Variants in DOP1A observed in about 807,000 individuals in gnomAD.
The protein encoded by DOP1A is DOP1 leucine zipper like protein A.
In DOP1A, 90 loss-of-function variants were observed where a neutral mutation model predicts 267.6. The observed-to-expected ratio is 0.34, with a 90% CI of 0.28 to 0.40. The LOEUF is 0.40. Among genes scored for constraint, DOP1A ranks in the 10% least tolerant of loss-of-function variants. The probability of loss-of-function intolerance (pLI) is 1.00; values close to 1 mark genes in which losing one functional copy is unlikely to be tolerated. For synonymous variants in DOP1A, 932 were observed against 999.1 expected (o/e 0.93, Z 1.27); for missense variants, 2,437 against 2,900.4 (o/e 0.84, Z 3.67).
At position 83,138,279 on chromosome 6, in the gene DOP1A, A is replaced by G. The variant is rs374701415; in HGVS notation, c.4237A>G (p.Thr1413Ala). The change falls in exon 21 of 39, where the codon ACT (threonine) becomes GCT (alanine). Residue 1413 changes from threonine (T) to alanine (A), a missense_variant. By Grantham distance (58) the Thr-to-Ala change is moderately conservative. Coordinates refer to ENST00000349129, the MANE Select transcript of DOP1A (RefSeq NM_015018.4). Reference protein sequence around the residue: ...ISTTSVNNAYTPQLSLLQNLL... With the variant: ...ISTTSVNNAYAPQLSLLQNLL... Reference sequence around the variant, plus strand: ...AACTACTAGTGTAAATAATGCATATACTCCTCAGTTGTCTCTCCTTCAGAA... The same window carrying G: ...AACTACTAGTGTAAATAATGCATATGCTCCTCAGTTGTCTCTCCTTCAGAA... The G allele has an allele frequency of 4.3e-6, 7 of 1,612,790 alleles. No individual in the cohort carries two copies. The highest frequency in any genetic ancestry group is 1.1e-5 in the South Asian group (1 of 91,082).
intron 29 of DOP1A, 110 bp from the exon 30 acceptor site, chr6:83,152,178 C>T (rs549302566): frequency 6.6e-6 from 5 of 754,496 alleles, no homozygotes; most frequent in East Asian, 3.0e-5. Flanking sequence ...TATATATATA[C>T]ATATACATAT....
intron 38 of DOP1A, among the ~76,000 whole-genome samples, chr6:83,163,641 C>T (rs983514779): frequency 1.3e-5 from 2 of 152,218 alleles, no homozygotes; most frequent in Non-Finnish European, 2.9e-5. Flanking sequence ...GCTATATAAC[C>T]GAATCTAAAG....
chr6:83,071,998 A>G lies in DOP1A; in HGVS notation c.-147+4219A>G, dbSNP rs1450576437. Among the ~76,000 whole-genome samples the G allele has an allele frequency of 2.0e-5, 3 of 151,992 alleles. No homozygotes were observed. In the East Asian group the frequency reaches 5.8e-4, roughly 29 times the overall value. The stretch of plus-strand genomic sequence containing the variant: ...GGTAATAAAGTTAAAATAATCTCCT[A>G]TCTCCTTTAGTTTTTTCTCTCATCA... On this transcript the variant is annotated intron_variant, in intron 1 of 38. Transcript: ENST00000349129.
In DOP1A at chr6:83,142,133, C is replaced by G. The variant is rs542462488; in HGVS notation, c.5541+87C>G. 3 of 1,484,568 alleles carry G rather than the reference C, an allele frequency of 2.0e-6. No individual in the cohort carries two copies. In the African/African-American group the frequency reaches 4.3e-5, roughly 21 times the overall value. 92.0% of individuals were successfully genotyped at this position (1,484,568 alleles called of 1,614,324 possible). ...ACTTCTCCATATATTGCAGTGGGGC[C>G]GGGGTAGATTCGAGTGTAAAGCAAA... On this transcript the variant is annotated intron_variant, in intron 24 of 38. Transcript: ENST00000349129.
chr6:83,129,838 C>A (rs1480712137), intron 16 of DOP1A, among the ~76,000 whole-genome samples: 1 of 152,110 alleles, frequency 6.6e-6, no homozygotes, highest in African/African-American at 2.4e-5. Flanking sequence ...TATATATACA[C>A]ACAAAGTGCA....
At chr6:83,133,800 C>T (rs1221682725) in intron 18 of DOP1A, among the ~76,000 whole-genome samples, 1 of 151,840 alleles carries the variant, frequency 6.6e-6, no homozygotes, top group East Asian at 1.9e-4. Flanking sequence ...ATATATAGTG[C>T]AATGAAATCA....
chr6:83,170,542 A>T, downstream of DOP1A: 1 of 1,291,354 alleles, frequency 7.7e-7, no homozygotes, highest in Non-Finnish European at 1.1e-6. Flanking sequence ...TAACCTGTTA[A>T]ACATACATTC....
At chr6:83,139,891 T>G (rs1357087010) in intron 21 of DOP1A, 109 bp from the exon 22 acceptor site, 2 of 662,946 alleles carry the variant, frequency 3.0e-6, no homozygotes, top group African/African-American at 1.8e-5. Context: ...TAATCTAGTA[T>G]TTATTGCACA....
At chr6:83,151,079 A>G (rs1781579789) in intron 27 of DOP1A, among the ~76,000 whole-genome samples, 2 of 152,124 alleles carry the variant, frequency 1.3e-5, no homozygotes, top group African/African-American at 4.8e-5. Flanking sequence ...TTTGTTCAAC[A>G]TATGTTTATG....
intron 17 of DOP1A, among the ~76,000 whole-genome samples, chr6:83,131,678 T>C (rs116645185): frequency 0.012 from 1,763 of 151,936 alleles, 42 homozygotes; most frequent in African/African-American, 0.041. Context: ...TTTTTCGAGA[T>C]GGAGTCTCGT....
At chr6:83,124,901 T>C in intron 13 of DOP1A, 82 bp downstream of exon 13, 2 of 1,113,990 alleles carry the variant, frequency 1.8e-6, no homozygotes, top group Non-Finnish European at 2.6e-6. Context: ...AGCCTTCAGA[T>C]ACATTTCATC....
intron 7 of DOP1A, among the ~76,000 whole-genome samples, chr6:83,115,216 A>G (rs1216856061): frequency 1.3e-5 from 2 of 152,196 alleles, no homozygotes; most frequent in African/African-American, 4.8e-5. Context: ...TTAGAAATAG[A>G]TGGTGATATC....
intron 4 of DOP1A, among the ~76,000 whole-genome samples, chr6:83,103,478 C>A (rs747538637): frequency 1.3e-5 from 2 of 152,118 alleles, no homozygotes; most frequent in Non-Finnish European, 2.9e-5. Context: ...CCCAAAAAAA[C>A]CATTAAAAAA....
chr6:83,165,583 T>C (rs1043111465), intron 38 of DOP1A: 1 of 176,360 alleles, frequency 5.7e-6, no homozygotes, highest in Non-Finnish European at 1.2e-5. Context: ...TAAAAATCCA[T>C]GCTTCCAAAT....
At chr6:83,096,192 A>C (rs1011776504) in intron 1 of DOP1A, among the ~76,000 whole-genome samples, 2 of 151,522 alleles carry the variant, frequency 1.3e-5, no homozygotes, top group Admixed American at 6.6e-5. Flanking sequence ...GACTCAAGCT[A>C]TCCTCTCACT....
Position 83,130,296 on chromosome 6 carries a change from C to A in DOP1A, c.2515C>A (p.Gln839Lys). ...AAACATCAACAGTGTAGAGCCTGCACAACCCTTAAGTCCAAACCAGGGAAG... is the reference window on the plus strand; with the variant it reads ...AAACATCAACAGTGTAGAGCCTGCAAAACCCTTAAGTCCAAACCAGGGAAG... ...GENINSVEPA[Q>K]PLSPNQGRVA... The change falls in exon 17 of 39, where the codon CAA becomes AAA. Residue 839 changes from glutamine to lysine, a missense_variant. By Grantham distance (53) the Gln-to-Lys change is moderately conservative (BLOSUM62 1). Coordinates refer to ENST00000349129, the MANE Select transcript of DOP1A (RefSeq NM_015018.4). The A allele has an allele frequency of 6.2e-7, 1 of 1,613,988 alleles. No homozygotes were observed. Among genetic ancestry groups the A allele is most frequent in the Non-Finnish European group, 8.5e-7 (1 of 1,179,962 alleles).
At chr6:83,093,799 G>A (rs1435937636) in intron 1 of DOP1A, among the ~76,000 whole-genome samples, 1 of 152,108 alleles carries the variant, frequency 6.6e-6, no homozygotes, top group Non-Finnish European at 1.5e-5. Flanking sequence ...CCAGCTGCTC[G>A]GGAGGCTGAA....
At chr6:83,120,887 G>A (rs1295587153) in intron 10 of DOP1A, 96 bp downstream of exon 10, 1 of 933,276 alleles carries the variant, frequency 1.1e-6, no homozygotes, top group Non-Finnish European at 1.5e-6. Context: ...TATATTTTGA[G>A]GTGGCCTTTA....
chr6:83,127,501 G>A (rs887139566), intron 15 of DOP1A, among the ~76,000 whole-genome samples: 3 of 152,206 alleles, frequency 2.0e-5, no homozygotes, highest in Non-Finnish European at 2.9e-5. Context: ...TGAGCTGTTC[G>A]AGGGCTTTTG....
Sources: allele counts gnomAD v4.1 joint callset (sites outside exome capture counted in the v4.1 genomes callset), GRCh38; gene constraint gnomAD v4.1.1; transcripts MANE v1.5; gene names NCBI Gene and HGNC (gene_info 2026-07-23, HGNC 2026-07-21).